Variants in PLXNA4 observed in about 807,000 individuals in gnomAD.
PLXNA4 encodes the protein plexin-A4.
Under a neutral mutation model 191.8 loss-of-function variants are expected in PLXNA4, and 44 were observed. The observed-to-expected ratio is 0.23, with a 90% CI of 0.18 to 0.29. The LOEUF is 0.29. PLXNA4 is among the 10% of genes least tolerant of loss of function. The probability of loss-of-function intolerance (pLI) is 1.00; values close to 1 mark genes in which losing one functional copy is unlikely to be tolerated. For missense variants in PLXNA4, 1,800 were observed against 2,488.8 expected, an observed-to-expected ratio of 0.72 and a Z score of 5.89; for synonymous variants, 1,082 against 1,009.5, an observed-to-expected ratio of 1.07 and a Z score of -1.36.
chr7:132,144,624 T>C (rs1795365625), intron 29 of PLXNA4, among the ~76,000 whole-genome samples: 1 of 152,176 alleles, frequency 6.6e-6, no homozygotes, highest in Admixed American at 6.5e-5. Flanking sequence ...TGTTAGACAT[T>C]GCCCTTCTAA....
chr7:132,383,592 C>T lies in PLXNA4; in HGVS notation c.1372-85370G>A, dbSNP rs541095876. ...AATGTTATCACACAAGAATCAGTTA[C>T]AAGATTGGCCTTTATAAACTAAGTT... On this transcript the variant is annotated intron_variant, in intron 3 of 31. Transcript: ENST00000321063. The T allele has an allele frequency of 1.9e-5, 19 of 984,382 alleles. 2 individuals are homozygous for T. The highest frequency in any genetic ancestry group is 1.4e-4 in the African/African-American group (8 of 57,324). The allele number at this position is 984,382 out of a possible 1,614,324, so 61.0% of individuals were successfully genotyped here. A position where few individuals can be genotyped will look rare whatever the true frequency, so the allele number is the denominator to read the frequency against.
intron 2 of PLXNA4, among the ~76,000 whole-genome samples, chr7:132,614,985 G>A (rs548924527): frequency 2.2e-4 from 34 of 152,146 alleles, no homozygotes; most frequent in Non-Finnish European, 4.1e-4. Context: ...GATGTCCCTT[G>A]CCCTTAAACT....
At chr7:132,278,218 C>T (rs2116374944) in intron 4 of PLXNA4, among the ~76,000 whole-genome samples, 2 of 152,290 alleles carry the variant, frequency 1.3e-5, no homozygotes, top group South Asian at 4.2e-4. Context: ...TCAGAATTTT[C>T]TCCAGTGTGC....
At chr7:132,559,307 C>A (rs1303217608) in intron 1 of PLXNA4, among the ~76,000 whole-genome samples, 2 of 152,090 alleles carry the variant, frequency 1.3e-5, no homozygotes, top group Admixed American at 6.5e-5. Flanking sequence ...AAACACTTAC[C>A]CTGCCCCCTG....
intron 2 of PLXNA4, among the ~76,000 whole-genome samples, chr7:132,593,945 T>C (rs1802653552): frequency 6.6e-6 from 1 of 152,140 alleles, no homozygotes; most frequent in South Asian, 2.1e-4. Context: ...GGGAAGCAGT[T>C]TGCAGTGATG....
chr7:132,241,777 C>T (rs1165030448), intron 4 of PLXNA4, among the ~76,000 whole-genome samples: 2 of 152,082 alleles, frequency 1.3e-5, no homozygotes, highest in Non-Finnish European at 2.9e-5. Context: ...GCTCTAAAAG[C>T]TTTCACTATG....
rs768967435 is a variant in PLXNA4, at chr7:132,168,490, G to C, written c.4100C>G (p.Ser1367Cys). Residue 1367 changes from serine to cysteine, a missense_variant, in exon 22 of 32, where the codon TCC becomes TGC. Physicochemically the swap from Ser to Cys is moderately radical, Grantham distance 112 (BLOSUM62 -1). Coordinates refer to ENST00000321063, the MANE Select transcript of PLXNA4 (RefSeq NM_020911.2). ...QLINNKVFLL[S>C]FIRTLESQRS... ...CTGGGACTCAAGCGTGCGGATGAAGGACAGCAGGAACACCTTGTTGTTGAT... is the reference window on the plus strand; with the variant it reads ...CTGGGACTCAAGCGTGCGGATGAAGCACAGCAGGAACACCTTGTTGTTGAT... 4 of 1,613,752 alleles carry C rather than the reference G, an allele frequency of 2.5e-6. No homozygotes were observed. In the African/African-American group the frequency reaches 5.3e-5, roughly 22 times the overall value.
At chr7:132,531,164 C>T (rs1403703824) in intron 1 of PLXNA4, among the ~76,000 whole-genome samples, 1 of 152,150 alleles carries the variant, frequency 6.6e-6, no homozygotes, top group African/African-American at 2.4e-5. Context: ...AGTTACACAA[C>T]ATCATGAGTG....
chr7:132,328,958 G>C (rs1802483012), intron 3 of PLXNA4, among the ~76,000 whole-genome samples: 1 of 152,210 alleles, frequency 6.6e-6, no homozygotes, highest in African/African-American at 2.4e-5. Flanking sequence ...TCCTGGGGAA[G>C]CTGGGTTTGC....
In PLXNA4 at chr7:132,484,879, T is replaced by A. The variant is rs757643696; in HGVS notation, c.1371+4413A>T. 10 of 1,614,198 alleles carry A rather than the reference T, an allele frequency of 6.2e-6. No homozygotes were observed. In the South Asian group the frequency reaches 8.8e-5, roughly 14 times the overall value. On this transcript the variant is annotated intron_variant, in intron 3 of 31. Transcript: ENST00000321063. ...GCAGAGGCTGGACTCTCTGATCTGA[T>A]ATTGCTTTGTGACTTGAGCACTGAA...
At chr7:132,464,807 C>T (rs1796638857) in intron 3 of PLXNA4, among the ~76,000 whole-genome samples, 1 of 152,176 alleles carries the variant, frequency 6.6e-6, no homozygotes, top group Admixed American at 6.5e-5. Flanking sequence ...GCAAGCTCAG[C>T]GGACCTACCC....
At chr7:132,249,750 C>T (rs17805585) in intron 4 of PLXNA4, among the ~76,000 whole-genome samples, 35,563 of 152,168 alleles carry the variant, frequency 0.23, 4,538 homozygotes, top group South Asian at 0.39. Flanking sequence ...CACTGGCTCC[C>T]GGAACATAGT....
At chr7:132,344,499 C>T (rs760142249) in intron 3 of PLXNA4, among the ~76,000 whole-genome samples, 1 of 152,120 alleles carries the variant, frequency 6.6e-6, no homozygotes, top group African/African-American at 2.4e-5. Flanking sequence ...ACTGCATGTG[C>T]CTTGCCTACT....
intron 25 of PLXNA4, among the ~76,000 whole-genome samples, chr7:132,153,022 G>A (rs1795691016): frequency 6.6e-6 from 1 of 152,242 alleles, no homozygotes; most frequent in Non-Finnish European, 1.5e-5. Context: ...AGGGAAACGG[G>A]ATAAAACATA....
intron 1 of PLXNA4, among the ~76,000 whole-genome samples, chr7:132,544,312 G>A (rs1365871726): frequency 1.3e-5 from 2 of 152,202 alleles, no homozygotes; most frequent in Non-Finnish European, 2.9e-5. Flanking sequence ...CCTACCCATG[G>A]TGTCACTACA....
At chr7:132,304,630 C>G (rs1315671296) in intron 3 of PLXNA4, among the ~76,000 whole-genome samples, 1 of 152,274 alleles carries the variant, frequency 6.6e-6, no homozygotes, top group East Asian at 1.9e-4. Context: ...ACTATGTGGC[C>G]AGAGGCTACC....
chr7:132,553,434 G>T (rs1051841905), intron 1 of PLXNA4, among the ~76,000 whole-genome samples: 1 of 152,156 alleles, frequency 6.6e-6, no homozygotes, highest in South Asian at 2.1e-4. Context: ...CCCAGGGGGA[G>T]AGCTTCCTGA....
At chr7:132,588,267 T>G (rs1427071190) in intron 2 of PLXNA4, among the ~76,000 whole-genome samples, 1 of 151,938 alleles carries the variant, frequency 6.6e-6, no homozygotes, top group Non-Finnish European at 1.5e-5. Context: ...AATTACTGCT[T>G]TTTCCTCCTC....
intron 3 of PLXNA4, among the ~76,000 whole-genome samples, chr7:132,382,032 C>T (rs1234172741): frequency 6.6e-6 from 1 of 151,924 alleles, no homozygotes; most frequent in African/African-American, 2.4e-5. Context: ...GGGGAAAACA[C>T]AGAAAAAGCC....
Sources: allele counts gnomAD v4.1 joint callset (sites outside exome capture counted in the v4.1 genomes callset), GRCh38; gene constraint gnomAD v4.1.1; transcripts MANE v1.5; gene names NCBI Gene and HGNC (gene_info 2026-07-23, HGNC 2026-07-21).